RASAL2: variants seen among roughly 807,000 people sequenced by gnomAD.
The protein encoded by RASAL2 is ras GTPase-activating protein nGAP.
Under a neutral mutation model 128.9 loss-of-function variants are expected in RASAL2, and 58 were observed. The observed-to-expected ratio is 0.45, with a 90% CI of 0.36 to 0.56. The LOEUF (loss-of-function observed/expected upper bound fraction) is 0.56. RASAL2 is among the 20% of genes least tolerant of loss of function. The probability of loss-of-function intolerance (pLI) is 0.00; values close to 1 mark genes in which losing one functional copy is unlikely to be tolerated. For missense variants in RASAL2, 1,360 were observed against 1,601.6 expected (o/e 0.85, Z 2.57); for synonymous variants, 561 against 580.8 (o/e 0.97, Z 0.49).
intron 1 of RASAL2, among the ~76,000 whole-genome samples, chr1:178,159,928 A>G (rs374407415): frequency 6.6e-6 from 1 of 152,146 alleles, no homozygotes; most frequent in Non-Finnish European, 1.5e-5. Context: ...AACAAACAAA[A>G]AAAACTACTG....
intron 1 of RASAL2, among the ~76,000 whole-genome samples, chr1:178,141,048 G>A (rs949923657): frequency 3.9e-5 from 6 of 152,286 alleles, no homozygotes; most frequent in Non-Finnish European, 7.4e-5. Context: ...TTTTTAAACA[G>A]CCAGGTCTTA....
chr1:178,171,811 A>C (rs1287608884), intron 1 of RASAL2, among the ~76,000 whole-genome samples: 1 of 152,004 alleles, frequency 6.6e-6, no homozygotes, highest in African/African-American at 2.4e-5. Context: ...TACCATGAGT[A>C]ACCATCTCTA....
At chr1:178,227,275 G>A (rs1311513521) in intron 1 of RASAL2, among the ~76,000 whole-genome samples, 1 of 151,472 alleles carries the variant, frequency 6.6e-6, no homozygotes, top group African/African-American at 2.4e-5. Flanking sequence ...TTAGCGTCTT[G>A]TCTTACATGT....
At chr1:178,359,942 T>C (rs1190602946) in intron 3 of RASAL2, among the ~76,000 whole-genome samples, 1 of 152,072 alleles carries the variant, frequency 6.6e-6, no homozygotes. Context: ...ACTCACAGAT[T>C]ATATAAGCTT....
intron 1 of RASAL2, among the ~76,000 whole-genome samples, chr1:178,261,989 A>G (rs1298461769): frequency 6.6e-6 from 1 of 151,958 alleles, no homozygotes; most frequent in Non-Finnish European, 1.5e-5. Context: ...AAAGGACTCC[A>G]GCCTAGCTAG....
intron 5 of RASAL2, among the ~76,000 whole-genome samples, chr1:178,421,320 CA>C: frequency 6.6e-6 from 1 of 152,182 alleles, no homozygotes; most frequent in South Asian, 2.1e-4. Context: ...TAATATGCTT[CA>C]AAAATCATTG....
chr1:178,211,800 A>T (rs566092859), intron 1 of RASAL2, among the ~76,000 whole-genome samples: 1 of 152,076 alleles, frequency 6.6e-6, no homozygotes, highest in African/African-American at 2.4e-5. Context: ...TCCCCATTGA[A>T]TTCTGTATGT....
intron 3 of RASAL2, among the ~76,000 whole-genome samples, chr1:178,355,625 A>C (rs1364465484): frequency 1.3e-5 from 2 of 152,220 alleles, no homozygotes; most frequent in Admixed American, 6.5e-5. Context: ...AAGAAGAAAA[A>C]GGTGATAATG....
Position 178,420,701 on chromosome 1 carries a change from G to A in RASAL2, c.674+81G>A, listed in dbSNP as rs370462445. On this transcript the variant is annotated intron_variant, in intron 5 of 17. Transcript: ENST00000367649. ...AGGCATTTTGGTCTATTCTGAATTT[G>A]AATCAATGACAAATAGAAAAATACA... The A allele has an allele frequency of 1.6e-5, 16 of 991,706 alleles. 1 individual carries two copies. The highest frequency in any genetic ancestry group is 8.3e-5 in the East Asian group (3 of 36,256). 61.4% of individuals were successfully genotyped at this position (991,706 alleles called of 1,614,324 possible). A position where few individuals can be genotyped will look rare whatever the true frequency, so the allele number is the denominator to read the frequency against.
chr1:178,150,215 G>A (rs560702314), intron 1 of RASAL2, among the ~76,000 whole-genome samples: 15 of 151,754 alleles, frequency 9.9e-5, no homozygotes, highest in African/African-American at 3.1e-4. Flanking sequence ...ATTTTTTTGC[G>A]ACGGAGTCTC....
At chr1:178,110,569 A>G (rs1469129096) in intron 1 of RASAL2, among the ~76,000 whole-genome samples, 3 of 147,114 alleles carry the variant, frequency 2.0e-5, no homozygotes, top group Admixed American at 1.4e-4. Context: ...TAGTATATAT[A>G]GCATATGTAG....
intron 1 of RASAL2, among the ~76,000 whole-genome samples, chr1:178,244,190 T>C (rs1225565424): frequency 6.6e-6 from 1 of 152,166 alleles, no homozygotes; most frequent in African/African-American, 2.4e-5. Context: ...TATTAAGTTG[T>C]ATAAGGGGTC....
intron 1 of RASAL2, among the ~76,000 whole-genome samples, chr1:178,118,058 G>C (rs1659577591): frequency 6.6e-6 from 1 of 151,938 alleles, no homozygotes; most frequent in African/African-American, 2.4e-5. Context: ...CAGCTACTTA[G>C]GAGGTTGAGG....
chr1:178,425,536 A>G (rs973262665), intron 5 of RASAL2, among the ~76,000 whole-genome samples: 1 of 152,182 alleles, frequency 6.6e-6, no homozygotes, highest in African/African-American at 2.4e-5. Flanking sequence ...TTAGTTGCCA[A>G]TTAACAGATA....
Position 178,200,667 on chromosome 1 carries a change from G to A in RASAL2, c.203-82897G>A, listed in dbSNP as rs12758603. 4.9e-3 allele frequency among the ~76,000 whole-genome samples: 748 copies of A among 152,274 alleles called. 2 individuals carry two copies. Among genetic ancestry groups the A allele is most frequent in the Non-Finnish European group, 9.1e-3 (619 of 68,040 alleles). ...GAGTGACTGACCTGCAACAAAAGGT[G>A]CATGGACAGCCTCGCCAGGTGTCTA... On this transcript the variant is annotated intron_variant, in intron 1 of 17. Coordinates refer to ENST00000367649, the MANE Select transcript of RASAL2 (RefSeq NM_170692.4).
chr1:178,457,243 G>A (rs532268087), intron 13 of RASAL2, among the ~76,000 whole-genome samples: 2 of 152,322 alleles, frequency 1.3e-5, no homozygotes, highest in South Asian at 4.1e-4. Context: ...TTTATAGCTG[G>A]CTATGTCAAC....
In RASAL2 at chr1:178,420,605, G is replaced by C; in HGVS notation, c.659G>C (p.Arg220Pro). 2 of 1,607,500 alleles carry C rather than the reference G, an allele frequency of 1.2e-6. 1 individual carries two copies. Among genetic ancestry groups the C allele is most frequent in the South Asian group, 2.2e-5 (2 of 90,528 alleles). The stretch of plus-strand genomic sequence containing the variant: ...ACGAGCTTTCGGCTTCCATCCCTTC[G>C]CAGTACAGATGACAGGTAGGAAGTT... ...RNTSFRLPSL[R>P]STDDRSRGLP... The change falls in exon 5 of 18, where the codon CGC becomes CCC. Residue 220 changes from arginine to proline, a missense_variant. By Grantham distance (103) the Arg-to-Pro change is moderately radical (BLOSUM62 -2). Transcript: ENST00000367649.
intron 1 of RASAL2, among the ~76,000 whole-genome samples, chr1:178,232,097 A>T (rs974700426): frequency 6.6e-6 from 1 of 152,170 alleles, no homozygotes; most frequent in African/African-American, 2.4e-5. Context: ...AGTTTGCCAG[A>T]TGAAATCATT....
intron 1 of RASAL2, among the ~76,000 whole-genome samples, chr1:178,164,150 A>G (rs1403254934): frequency 6.6e-6 from 1 of 151,988 alleles, no homozygotes. Context: ...GTTTCAAAAT[A>G]AAAAGTTAAA....
Sources: gnomAD v4.1 joint callset for allele counts (sites outside exome capture counted in the v4.1 genomes callset) on GRCh38, gnomAD v4.1.1 for gene constraint, MANE v1.5 for transcripts, NCBI Gene and HGNC (gene_info 2026-07-23, HGNC 2026-07-21) for gene names.